Variants in TM9SF4 observed in about 807,000 individuals in gnomAD.
TM9SF4 encodes transmembrane 9 superfamily member 4.
A neutral mutation model predicts 90.4 loss-of-function variants in TM9SF4; 26 were observed. The ratio of observed to expected loss-of-function variants is 0.29; its 90% CI spans 0.21 to 0.40. TM9SF4 has a LOEUF of 0.40. Ranked by LOEUF, TM9SF4 falls within the 10% of genes least tolerant of loss-of-function variation. The pLI is 1.00. For missense variants in TM9SF4, 549 were observed against 834.8 expected (o/e 0.66, Z 4.22); for synonymous variants, 293 against 315.4 (o/e 0.93, Z 0.75).
Position 32,150,522 on chromosome 20 carries a change from C to G in TM9SF4, c.1088-100C>G, listed in dbSNP as rs544442112. On this transcript the variant is annotated intron_variant, in intron 10 of 17. Transcript: ENST00000398022. Reference sequence around the variant, plus strand: ...CCTCATCTGCCCAGAGTCCTCCTGTCAGCCTGTCCAAGGTGGGCCTGGGGC... The same window carrying G: ...CCTCATCTGCCCAGAGTCCTCCTGTGAGCCTGTCCAAGGTGGGCCTGGGGC... The G allele has an allele frequency of 5.7e-6, 8 of 1,404,462 alleles. No individual in the cohort carries two copies. The South Asian group carries it at 7.1e-5, about 12-fold the overall frequency. 87.0% of individuals were successfully genotyped at this position (1,404,462 alleles called of 1,614,324 possible). A position where few individuals can be genotyped will look rare whatever the true frequency, so the allele number is the denominator to read the frequency against.
chr20:32,158,893 A>G (rs1160568511), intron 15 of TM9SF4, among the ~76,000 whole-genome samples: 1 of 151,936 alleles, frequency 6.6e-6, no homozygotes, highest in Non-Finnish European at 1.5e-5. Flanking sequence ...GAGGCAGGAG[A>G]ATCACTTGAA....
chr20:32,159,674 G>T, intron 15 of TM9SF4: 1 of 376,690 alleles, frequency 2.7e-6, no homozygotes, highest in Middle Eastern at 7.8e-4. Context: ...GTGGCATAAG[G>T]CCTAGCGCTT....
At chr20:32,161,417 A>G (rs1284361105) in intron 17 of TM9SF4, 52 bp downstream of exon 17, 1 of 1,566,022 alleles carries the variant, frequency 6.4e-7, no homozygotes, top group Non-Finnish European at 8.8e-7. Flanking sequence ...TAGGAAGGTC[A>G]GGAGGAGGAT....
At chr20:32,160,641 A>G (rs1018279965) in intron 16 of TM9SF4, among the ~76,000 whole-genome samples, 1 of 152,118 alleles carries the variant, frequency 6.6e-6, no homozygotes, top group African/African-American at 2.4e-5. Flanking sequence ...GAGTGGATTC[A>G]TCTATAGCAC....
At chr20:32,157,660 T>G in intron 13 of TM9SF4, 134 bp from the exon 14 acceptor site, 1 of 1,162,888 alleles carries the variant, frequency 8.6e-7, no homozygotes, top group Non-Finnish European at 1.2e-6. Flanking sequence ...AGCCCTGTGG[T>G]GGGGGCAGGG....
chr20:32,140,577 T>C (rs2046658029), intron 3 of TM9SF4, among the ~76,000 whole-genome samples: 1 of 152,240 alleles, frequency 6.6e-6, no homozygotes, highest in South Asian at 2.1e-4. Context: ...GCCTGCCTAC[T>C]CTGTGCCTGC....
At chr20:32,120,395 G>GTTTT (rs34639926) in intron 1 of TM9SF4, among the ~76,000 whole-genome samples, 10 of 116,192 alleles carry the variant, frequency 8.6e-5, no homozygotes, top group African/African-American at 2.4e-4. Flanking sequence ...TAAGTGGTGC[G>GTTTT]TTTTTTTTTT....
intron 9 of TM9SF4, among the ~76,000 whole-genome samples, chr20:32,148,361 C>T (rs188885534): frequency 1.7e-3 from 255 of 152,170 alleles, no homozygotes; most frequent in African/African-American, 6.1e-3. Flanking sequence ...AGCATCTTTC[C>T]ATACCACCCA....
In TM9SF4 at chr20:32,143,065, C is replaced by T. The variant is rs1311665797; in HGVS notation, c.612C>T (p.Val204=). 9.9e-6 allele frequency: 16 copies of T among 1,613,830 alleles called. No homozygotes were observed. Among genetic ancestry groups the T allele is most frequent in the Non-Finnish European group, 1.3e-5 (15 of 1,179,812 alleles). The stretch of plus-strand genomic sequence containing the variant: ...AGGACCAGGAGCACACGTACCGTGT[C>T]GTCCGCTTCGAGGTGATTCCCCAGA... ...MEEDQEHTYR[V]VRFEVIPQSI... is the part of the protein sequence containing the mutation. Residue 204 remains valine (V), a synonymous_variant, in exon 6 of 18, where the codon GTC becomes GTT. Coordinates refer to ENST00000398022, the MANE Select transcript of TM9SF4 (RefSeq NM_014742.4).
At chr20:32,136,291 A>G (rs2046593541) in intron 3 of TM9SF4, 118 bp downstream of exon 3, 3 of 942,686 alleles carry the variant, frequency 3.2e-6, no homozygotes, top group Admixed American at 2.3e-5. Context: ...CATTGTTTGC[A>G]TACCTGTTAG....
chr20:32,120,395 G>GTTTTTTTTTTTTTTTTTT (rs34639926), intron 1 of TM9SF4, among the ~76,000 whole-genome samples: 1 of 116,228 alleles, frequency 8.6e-6, no homozygotes, highest in African/African-American at 3.4e-5. Context: ...TAAGTGGTGC[G>GTTTTTTTTTTTTTTTTTT]TTTTTTTTTT....
intron 1 of TM9SF4, among the ~76,000 whole-genome samples, chr20:32,115,802 TTAAGC>T (rs2046210007): frequency 6.9e-6 from 1 of 144,776 alleles, no homozygotes; most frequent in Non-Finnish European, 1.5e-5. Flanking sequence ...ACCTACCACT[TTAAGC>T]TTTTTTTTTT....
intron 1 of TM9SF4, among the ~76,000 whole-genome samples, chr20:32,114,423 C>T (rs2046192183): frequency 1.3e-5 from 2 of 152,178 alleles, no homozygotes; most frequent in African/African-American, 2.4e-5. Flanking sequence ...CTCCACCTCC[C>T]GGGCTCAGGC....
At chr20:32,163,523 G>T (rs1315683896) in intron 17 of TM9SF4, among the ~76,000 whole-genome samples, 2 of 151,436 alleles carry the variant, frequency 1.3e-5, no homozygotes, top group South Asian at 2.1e-4. Flanking sequence ...TGCTCTGCTC[G>T]GGTGACATGC....
intron 3 of TM9SF4, among the ~76,000 whole-genome samples, chr20:32,141,085 C>CGG (rs1491268528): frequency 6.6e-6 from 1 of 151,848 alleles, no homozygotes; most frequent in African/African-American, 2.4e-5. Context: ...GGCGTGGTGG[C>CGG]ATGCACCTGT....
At chr20:32,136,337 T>A (rs573347964) in intron 3 of TM9SF4, among the ~76,000 whole-genome samples, 164 bp downstream of exon 3, 20 of 152,338 alleles carry the variant, frequency 1.3e-4, no homozygotes, top group African/African-American at 4.8e-4. Context: ...GGGGAGACAG[T>A]TGCTGTGTTT....
At chr20:32,123,134 G>A (rs1403958693) in intron 1 of TM9SF4, among the ~76,000 whole-genome samples, 1 of 130,248 alleles carries the variant, frequency 7.7e-6, no homozygotes, top group Non-Finnish European at 1.6e-5. Context: ...GTCCAGCTTC[G>A]GCTCGGCATG....
In TM9SF4 at chr20:32,157,791, C is replaced by T. The variant is rs374903349; in HGVS notation, c.1330-3C>T. The T allele has an allele frequency of 1.1e-4, 180 of 1,613,946 alleles. No homozygotes were observed. The highest frequency in any genetic ancestry group is 1.4e-4 in the Non-Finnish European group (170 of 1,179,964). On this transcript the variant is annotated splice_region_variant and splice_polypyrimidine_tract_variant and intron_variant, in intron 13 of 17. Transcript: ENST00000398022. Reference sequence around the variant, plus strand: ...TGGGGGCCTCATGGTGCCATGTCTACAGGTGCCCTTTCCCACCATGGTGGC... The same window carrying T: ...TGGGGGCCTCATGGTGCCATGTCTATAGGTGCCCTTTCCCACCATGGTGGC...
chr20:32,163,270 T>TATATATATAA (rs2047051358), intron 17 of TM9SF4, among the ~76,000 whole-genome samples: 1 of 68,904 alleles, frequency 1.5e-5, no homozygotes, highest in African/African-American at 6.6e-5. Context: ...AAAAAAAAAA[T>TATATATATAA]ATATATATAT....
Sources: allele counts gnomAD v4.1 joint callset (sites outside exome capture counted in the v4.1 genomes callset), GRCh38; gene constraint gnomAD v4.1.1; transcripts MANE v1.5; gene names NCBI Gene and HGNC (gene_info 2026-07-23, HGNC 2026-07-21).